Variants in HTR7 observed in about 807,000 individuals in gnomAD.
HTR7 encodes 5-HT-7.
HTR7 carries 16 observed loss-of-function variants against 34.0 expected under a neutral mutation model. The observed-to-expected ratio is 0.47, with a 90% CI of 0.32 to 0.71. The LOEUF (loss-of-function observed/expected upper bound fraction) is 0.71. HTR7 is among the 30% of genes least tolerant of loss of function. The pLI, the probability that HTR7 is intolerant of heterozygous loss-of-function variation, is 0.04. For synonymous variants in HTR7, 265 were observed against 260.2 expected (o/e 1.02, Z -0.18); for missense variants, 504 against 625.5 (o/e 0.81, Z 2.07).
intron 1 of HTR7, among the ~76,000 whole-genome samples, chr10:90,854,869 A>T (rs563683875): frequency 6.6e-6 from 1 of 152,178 alleles, no homozygotes; most frequent in Non-Finnish European, 1.5e-5. Context: ...AGTGTAACCT[A>T]TATTAGGTAC....
At chr10:90,831,417 G>C (rs897427987) in intron 1 of HTR7, among the ~76,000 whole-genome samples, 1 of 152,064 alleles carries the variant, frequency 6.6e-6, no homozygotes, top group Non-Finnish European at 1.5e-5. Flanking sequence ...CTCCCGGTGG[G>C]TTCGTGGTCT....
intron 2 of HTR7, among the ~76,000 whole-genome samples, chr10:90,748,335 C>G (rs1340382388): frequency 3.9e-5 from 6 of 152,138 alleles, no homozygotes; most frequent in South Asian, 2.1e-4. Flanking sequence ...ATCCTGGCAT[C>G]TCCCCACACT....
chr10:90,823,839 G>T (rs547547228), intron 1 of HTR7, among the ~76,000 whole-genome samples: 1 of 152,270 alleles, frequency 6.6e-6, no homozygotes, highest in South Asian at 2.1e-4. Flanking sequence ...AAAGTGTGTA[G>T]CACCTCCCCT....
chr10:90,750,951 A>G (rs747660656), intron 1 of HTR7, among the ~76,000 whole-genome samples: 18 of 152,184 alleles, frequency 1.2e-4, no homozygotes, highest in Non-Finnish European at 1.6e-4. Flanking sequence ...TAGGACAGTG[A>G]GTAGAAGAGA....
chr10:90,758,016 C>T (rs138089294), intron 1 of HTR7, among the ~76,000 whole-genome samples: 2 of 152,082 alleles, frequency 1.3e-5, no homozygotes, highest in South Asian at 4.1e-4. Flanking sequence ...CAGGGCAGAT[C>T]TAATGGATGA....
intron 1 of HTR7, among the ~76,000 whole-genome samples, chr10:90,801,301 T>A (rs2119923083): frequency 6.6e-6 from 1 of 152,300 alleles, no homozygotes; most frequent in African/African-American, 2.4e-5. Flanking sequence ...ACTTTTTCTG[T>A]TTTTTGGTTT....
chr10:90,814,301 ACCCACTAAATATG>A (rs937062736), intron 1 of HTR7, among the ~76,000 whole-genome samples: 1 of 152,182 alleles, frequency 6.6e-6, no homozygotes, highest in Non-Finnish European at 1.5e-5. Context: ...AGGAATATTC[ACCCACTAAATATG>A]CCCATTACCT....
chr10:90,794,115 C>T (rs184037535), intron 1 of HTR7, among the ~76,000 whole-genome samples: 1 of 152,322 alleles, frequency 6.6e-6, no homozygotes, highest in East Asian at 1.9e-4. Flanking sequence ...CAAATTGACA[C>T]TCAATATTAA....
intron 1 of HTR7, among the ~76,000 whole-genome samples, chr10:90,851,407 C>T (rs1199390362): frequency 6.6e-6 from 1 of 151,770 alleles, no homozygotes; most frequent in East Asian, 1.9e-4. Flanking sequence ...GAGATCAAGA[C>T]CATCCTGGCT....
At chr10:90,834,668 T>C (rs1004632973) in intron 1 of HTR7, among the ~76,000 whole-genome samples, 2 of 152,118 alleles carry the variant, frequency 1.3e-5, no homozygotes, top group African/African-American at 4.8e-5. Flanking sequence ...GAGTAGGCCA[T>C]GGGTCTCTCA....
chr10:90,781,747 T>A (rs1229444845), intron 1 of HTR7, among the ~76,000 whole-genome samples: 1 of 152,226 alleles, frequency 6.6e-6, no homozygotes. Flanking sequence ...GAAATATTCA[T>A]GCTTCAGATT....
chr10:90,835,205 C>T (rs574861101), intron 1 of HTR7, among the ~76,000 whole-genome samples: 5 of 152,314 alleles, frequency 3.3e-5, no homozygotes, highest in African/African-American at 1.2e-4. Flanking sequence ...GCCTCTAGGG[C>T]TTGGAAAGTA....
chr10:90,777,642 T>C (rs79778749), intron 1 of HTR7, among the ~76,000 whole-genome samples: 39,352 of 152,148 alleles, frequency 0.26, 5,711 homozygotes, highest in African/African-American at 0.4. Context: ...AATTTCATTT[T>C]GGTCTCACTG....
rs146093653 is a variant in HTR7 at position 90,746,236 on chromosome 10, G to A, written c.1296-2546C>T. 9.2e-5 allele frequency among the ~76,000 whole-genome samples: 14 copies of A among 152,320 alleles called. No homozygotes were observed. In the East Asian group the frequency reaches 2.7e-3, roughly 29 times the overall value. The stretch of plus-strand genomic sequence containing the variant: ...AAAGTGCTCAGCAAAGTGTCTGAGA[G>A]TGAATCCTCAGCAAACGCATGTTAT... On this transcript the variant is annotated intron_variant, in intron 2 of 3. Transcript: ENST00000336152.
intron 1 of HTR7, among the ~76,000 whole-genome samples, chr10:90,848,745 T>C (rs1382387387): frequency 1.3e-5 from 2 of 152,142 alleles, no homozygotes; most frequent in African/African-American, 4.8e-5. Flanking sequence ...AATTACTTCA[T>C]GAGATTCACT....
rs1844536375 is a variant in HTR7, at chr10:90,741,173, A to G, written c.*1309T>C. ...TTGTAGGAAAATAATATTCTCTTTC[A>G]GTTCACTCTTATCAAATAAAGAATT... is the stretch of plus-strand genomic sequence containing the variant. On this transcript the variant is annotated 3_prime_UTR_variant, in exon 4 of 4. Coordinates refer to ENST00000336152, the MANE Select transcript of HTR7 (RefSeq NM_019859.4). 1 of 152,560 alleles carries G rather than the reference A, an allele frequency of 6.6e-6. No homozygotes were observed. Among genetic ancestry groups the G allele is most frequent in the Non-Finnish European group, 1.5e-5 (1 of 68,012 alleles). 9.5% of individuals were successfully genotyped at this position (152,560 alleles called of 1,614,324 possible).
intron 1 of HTR7, among the ~76,000 whole-genome samples, chr10:90,772,119 C>T (rs976183468): frequency 6.6e-6 from 1 of 152,026 alleles, no homozygotes; most frequent in African/African-American, 2.4e-5. Flanking sequence ...TATATTCAGA[C>T]AGTAGTCAAA....
At chr10:90,759,223 C>T (rs1229417185) in intron 1 of HTR7, among the ~76,000 whole-genome samples, 2 of 151,482 alleles carry the variant, frequency 1.3e-5, no homozygotes, top group African/African-American at 2.4e-5. Context: ...AGCATTATGC[C>T]TGTTATCTAA....
chr10:90,801,794 G>T (rs1209677753), intron 1 of HTR7, among the ~76,000 whole-genome samples: 2 of 152,170 alleles, frequency 1.3e-5, no homozygotes, highest in African/African-American at 4.8e-5. Context: ...GCCTCCTTGT[G>T]CAATCTGATT....
Sources: gnomAD v4.1 joint callset for allele counts (sites outside exome capture counted in the v4.1 genomes callset) on GRCh38, gnomAD v4.1.1 for gene constraint, MANE v1.5 for transcripts, NCBI Gene and HGNC (gene_info 2026-07-23, HGNC 2026-07-21) for gene names.